Variants in ANKRD30A observed in about 807,000 individuals in gnomAD.
The protein encoded by ANKRD30A is ankyrin repeat domain-containing protein 30A.
Under a neutral mutation model 166.3 loss-of-function variants are expected in ANKRD30A, and 170 were observed. That is an observed-to-expected ratio of 1.02 (90% CI 0.90 to 1.16). ANKRD30A has a LOEUF of 1.16. Among genes scored for constraint, ANKRD30A ranks in the 50% most tolerant of loss-of-function variants. The pLI is 0.00. For synonymous variants in ANKRD30A, 564 were observed against 508.9 expected, an observed-to-expected ratio of 1.11 and a Z score of -1.46; for missense variants, 1,630 against 1,518.0, an observed-to-expected ratio of 1.07 and a Z score of -1.23.
intron 27 of ANKRD30A, among the ~76,000 whole-genome samples, chr10:37,196,022 T>C (rs1255140664): frequency 6.6e-6 from 1 of 151,596 alleles, no homozygotes; most frequent in Non-Finnish European, 1.5e-5. Context: ...AAGGAAGTGT[T>C]GAACAAATAA....
the ANKRD30A span, among the ~76,000 whole-genome samples, chr10:37,259,581 A>G: frequency 6.6e-6 from 1 of 152,266 alleles, no homozygotes; most frequent in African/African-American, 2.4e-5. Flanking sequence ...CAAGAGCTGG[A>G]AGCAACCCAG....
At chr10:37,198,185 T>G (rs1429865703) in intron 29 of ANKRD30A, among the ~76,000 whole-genome samples, 1 of 152,146 alleles carries the variant, frequency 6.6e-6, no homozygotes, top group Non-Finnish European at 1.5e-5. Flanking sequence ...ACTATTCTTA[T>G]GCATGTTTAA....
At chr10:37,150,026 T>C (rs1435594103) in intron 11 of ANKRD30A, among the ~76,000 whole-genome samples, 177 bp downstream of exon 11, 1 of 152,064 alleles carries the variant, frequency 6.6e-6, no homozygotes, top group African/African-American at 2.4e-5. Context: ...TAATTTTTAA[T>C]ATATTTTTTA....
In ANKRD30A at chr10:37,141,797, A is replaced by T; in HGVS notation, c.900A>T (p.Glu300Asp). ...RTPDTAESLV[E>D]KTPDEAAPLV... ...CTGACACAGCTGAAAGCTTGGTGGA[A>T]AAAACACCTGATGAGGCTGCACCCT... The change falls in exon 7 of 36, where the codon GAA (glutamate) becomes GAT (aspartate). Residue 300 changes from glutamate (E) to aspartate (D), a missense_variant. Coordinates refer to ENST00000361713, the MANE Select transcript of ANKRD30A (RefSeq NM_052997.3). The T allele has an allele frequency of 6.2e-7, 1 of 1,612,776 alleles. No individual in the cohort carries two copies. The highest frequency in any genetic ancestry group is 8.5e-7 in the Non-Finnish European group (1 of 1,179,664).
At chr10:37,217,236 A>G (rs1842648846) in intron 32 of ANKRD30A, among the ~76,000 whole-genome samples, 2 of 150,956 alleles carry the variant, frequency 1.3e-5, no homozygotes, top group South Asian at 4.1e-4. Context: ...ATTTTTAGGG[A>G]TACTTGCCAT....
chr10:37,219,769 GA>G lies in ANKRD30A; in HGVS notation c.4058del (p.Asp1353ValfsTer14), dbSNP rs1390649257. 6.2e-7 allele frequency: 1 copy of G among 1,607,850 alleles called. No homozygotes were observed. Among genetic ancestry groups the G allele is most frequent in the Admixed American group, 1.7e-5 (1 of 59,416 alleles). ...TGACAACAAAAGCAAGATAACAATT[GA>G]TATTCATTTTCTTGAGAGGAAAATG... ...KADNKSKITI[D>X]IHFLERKMQH... On this transcript the variant is annotated frameshift_variant, in exon 34 of 36. Transcript: ENST00000361713. LOFTEE classifies it high-confidence loss of function.
At position 37,125,887 on chromosome 10, in the gene ANKRD30A, G is replaced by C. The variant is rs1733973622; in HGVS notation, c.100G>C (p.Val34Leu). The C allele has an allele frequency of 1.9e-6, 3 of 1,561,908 alleles. No homozygotes were observed. The African/African-American group carries it at 4.1e-5, about 21-fold the overall frequency. The change falls in exon 1 of 36, where the codon GTC becomes CTC. Residue 34 changes from valine to leucine, a missense_variant. Physicochemically the swap from Val to Leu is conservative, Grantham distance 32. Coordinates refer to ENST00000361713, the MANE Select transcript of ANKRD30A (RefSeq NM_052997.3). ...LVYTSNDSYI[V>L]HSGDLRKIHK... ...CTATACCAGCAACGACTCCTACATC[G>C]TCCACTCTGGGGATCTTAGAAAGAT... is the stretch of plus-strand genomic sequence containing the variant.
At chr10:37,238,016 A>C in the ANKRD30A span, among the ~76,000 whole-genome samples, 1 of 152,230 alleles carries the variant, frequency 6.6e-6, no homozygotes, top group African/African-American at 2.4e-5. Context: ...GAAAATATGC[A>C]TAAAATTACC....
At position 37,218,998 on chromosome 10, in the gene ANKRD30A, A is replaced by G. The variant is rs2132741538; in HGVS notation, c.3286A>G (p.Asn1096Asp). 6.3e-7 allele frequency: 1 copy of G among 1,585,798 alleles called. No individual in the cohort carries two copies. The highest frequency in any genetic ancestry group is 8.5e-7 in the Non-Finnish European group (1 of 1,169,752). ...NLNQVSHTHE[N>D]ENYLLHENCM... is the part of the protein sequence containing the mutation. ...TATTTAGGTTTCTCACACTCATGAA[A>G]ATGAAAATTATCTCTTACATGAAAA... The change falls in exon 34 of 36, where the codon AAT (asparagine) becomes GAT (aspartate). Residue 1096 changes from asparagine (N) to aspartate (D), a missense_variant. Physicochemically the swap from Asn to Asp is conservative, Grantham distance 23 (BLOSUM62 1). Transcript: ENST00000361713.
rs927192295 is a variant in ANKRD30A at position 37,162,978 on chromosome 10, G to C, written c.2002+130G>C. 1.3e-5 allele frequency: 15 copies of C among 1,181,856 alleles called. No individual in the cohort carries two copies. In the African/African-American group the frequency reaches 1.9e-4, roughly 15 times the overall value. The allele number at this position is 1,181,856 out of a possible 1,614,324, so 73.2% of individuals were successfully genotyped here. ...ATTTGATCTAGATAATGCCAATACT[G>C]GTATTGATGTTTGAAAAGCTGGTAT... On this transcript the variant is annotated intron_variant, in intron 17 of 35. Transcript: ENST00000361713.
the ANKRD30A span, among the ~76,000 whole-genome samples, chr10:37,239,125 C>A: frequency 6.6e-6 from 1 of 152,100 alleles, no homozygotes; most frequent in South Asian, 2.1e-4. Context: ...GAAACACTTG[C>A]AATGGAGCTT....
At chr10:37,205,279 A>T (rs1401760223) in intron 31 of ANKRD30A, among the ~76,000 whole-genome samples, 1 of 152,154 alleles carries the variant, frequency 6.6e-6, no homozygotes, top group Non-Finnish European at 1.5e-5. Context: ...ATAAAAAAGG[A>T]TGTGTTCATA....
intron 32 of ANKRD30A, among the ~76,000 whole-genome samples, chr10:37,216,688 A>G (rs904896731): frequency 2.0e-5 from 3 of 151,320 alleles, no homozygotes; most frequent in Non-Finnish European, 4.4e-5. Flanking sequence ...TTTCTGTATT[A>G]TAAATGCTGC....
At chr10:37,225,258 A>G in intron 34 of ANKRD30A, among the ~76,000 whole-genome samples, 1 of 151,718 alleles carries the variant, frequency 6.6e-6, no homozygotes. Flanking sequence ...AATGTTTTCA[A>G]ACTATGTTAC....
At chr10:37,149,884 A>G (rs567628202) in intron 11 of ANKRD30A, 35 bp downstream of exon 11, 1 of 1,609,576 alleles carries the variant, frequency 6.2e-7, no homozygotes, top group East Asian at 2.2e-5. Context: ...AAAGACGAAT[A>G]TTTCAATATT....
At chr10:37,211,548 G>A (rs1213512969) in intron 31 of ANKRD30A, among the ~76,000 whole-genome samples, 1 of 151,956 alleles carries the variant, frequency 6.6e-6, no homozygotes, top group African/African-American at 2.4e-5. Context: ...GGACATTTGT[G>A]TTGGTTCCAA....
At chr10:37,191,821 C>T (rs187161687) in intron 25 of ANKRD30A, among the ~76,000 whole-genome samples, 26 of 152,022 alleles carry the variant, frequency 1.7e-4, no homozygotes, top group South Asian at 6.2e-4. Flanking sequence ...TGGTGAAACC[C>T]CACCTCTACT....
intron 17 of ANKRD30A, among the ~76,000 whole-genome samples, chr10:37,164,283 T>G (rs1839131058): frequency 6.9e-6 from 1 of 145,788 alleles, no homozygotes; most frequent in Non-Finnish European, 1.5e-5. Flanking sequence ...TGGACGTTAT[T>G]TTTGGTATAA....
chr10:37,166,672 A>C lies in ANKRD30A; in HGVS notation c.2132A>C (p.Asp711Ala). The C allele has an allele frequency of 1.3e-6, 2 of 1,585,196 alleles. No individual in the cohort carries two copies. Among genetic ancestry groups the C allele is most frequent in the Non-Finnish European group, 1.7e-6 (2 of 1,166,672 alleles). ...AAGGCTGCGCATCAAAAAGAAATAG[A>C]TAAAATAAATGGAAAATTAGAAGGT... is the stretch of plus-strand genomic sequence containing the variant. Reference protein sequence around the residue: ...LPKAAHQKEIDKINGKLEGSP... With the variant: ...LPKAAHQKEIAKINGKLEGSP... The change falls in exon 19 of 36, where the codon GAT becomes GCT. Residue 711 changes from aspartate (D) to alanine (A), a missense_variant. Around this residue, in one of 4 missense-constraint regions of ANKRD30A, gnomAD observed 12 missense variants for 27.4 expected, o/e 0.44. Transcript: ENST00000361713.
Sources: allele counts gnomAD v4.1 joint callset (sites outside exome capture counted in the v4.1 genomes callset), GRCh38; gene constraint gnomAD v4.1.1; regional missense constraint gnomAD v4.1.1; transcripts MANE v1.5; gene names NCBI Gene and HGNC (gene_info 2026-07-23, HGNC 2026-07-21).